The following CEP63 variants were observed in gnomAD, a reference collection of about 807,000 sequenced individuals.
CEP63 encodes centrosomal protein of 63 kDa.
In CEP63, 84 loss-of-function variants were observed where a neutral mutation model predicts 89.1. That is an observed-to-expected ratio of 0.94 (90% CI 0.79 to 1.13). CEP63 has a LOEUF of 1.13. Ranked by LOEUF, CEP63 falls within the 50% of genes most tolerant of loss-of-function variation. The probability of loss-of-function intolerance (pLI) is 0.00; values close to 1 mark genes in which losing one functional copy is unlikely to be tolerated. For missense variants in CEP63, 838 were observed against 813.3 expected (o/e 1.03, Z -0.37); for synonymous variants, 267 against 272.5 (o/e 0.98, Z 0.20).
the CEP63 span, among the ~76,000 whole-genome samples, chr3:134,693,831 C>T: frequency 2.0e-5 from 3 of 152,152 alleles, no homozygotes; most frequent in African/African-American, 7.2e-5. Context: ...TTTTTTGCCT[C>T]ACGTGCATGG....
the CEP63 span, among the ~76,000 whole-genome samples, chr3:134,755,162 G>T: frequency 6.6e-6 from 1 of 152,212 alleles, no homozygotes; most frequent in Non-Finnish European, 1.5e-5. Flanking sequence ...CAGGTACAAA[G>T]AAGGGAGATG....
At chr3:134,745,225 T>C in the CEP63 span, among the ~76,000 whole-genome samples, 1 of 152,214 alleles carries the variant, frequency 6.6e-6, no homozygotes, top group African/African-American at 2.4e-5. Context: ...AATTCTTTGT[T>C]ACCCAGTGCT....
the CEP63 span, among the ~76,000 whole-genome samples, chr3:134,775,377 C>T: frequency 6.6e-6 from 1 of 152,114 alleles, no homozygotes; most frequent in Admixed American, 6.6e-5. Flanking sequence ...AGTTAGTGTC[C>T]CCTTCAGGTA....
chr3:134,714,466 T>C, the CEP63 span, among the ~76,000 whole-genome samples: 1 of 152,094 alleles, frequency 6.6e-6, no homozygotes, highest in Non-Finnish European at 1.5e-5. Flanking sequence ...GCTCCCTCTC[T>C]CTCCCCACAA....
intron 6 of CEP63, among the ~76,000 whole-genome samples, chr3:134,541,840 G>A (rs1952088381): frequency 1.3e-5 from 2 of 152,098 alleles, no homozygotes; most frequent in East Asian, 3.9e-4. Context: ...AGGAGTAATG[G>A]GGGGATGTTT....
rs199930556 is a variant in CEP63 at position 134,557,376 on chromosome 3, G to GTTTT, written c.1468-741_1468-738dup. Reference sequence around the variant, plus strand: ...CTTGACCAGCTTACTTTCATAATTTGTTTTTTTTTTTTTTTTTTTTTTTTT... The same window carrying GTTTT: ...CTTGACCAGCTTACTTTCATAATTTGTTTTTTTTTTTTTTTTTTTTTTTTTTTTT... On this transcript the variant is annotated intron_variant, in intron 12 of 14. Transcript: ENST00000675561. 2.4e-4 allele frequency among the ~76,000 whole-genome samples: 24 copies of GTTTT among 101,494 alleles called. 2 individuals carry two copies. Among genetic ancestry groups the GTTTT allele is most frequent in the African/African-American group, 1.1e-3 (22 of 20,318 alleles). The allele number at this position is 101,494 out of a possible 152,430, so 66.6% of individuals were successfully genotyped here. A position where few individuals can be genotyped will look rare whatever the true frequency, so the allele number is the denominator to read the frequency against.
intron 6 of CEP63, among the ~76,000 whole-genome samples, chr3:134,540,674 A>G (rs1245006532): frequency 6.6e-6 from 1 of 151,410 alleles, no homozygotes; most frequent in Non-Finnish European, 1.5e-5. Flanking sequence ...TTGTTTTAAT[A>G]TGAGTGAGGT....
At chr3:134,715,345 A>ATTAC in the CEP63 span, among the ~76,000 whole-genome samples, 1 of 151,918 alleles carries the variant, frequency 6.6e-6, no homozygotes, top group South Asian at 2.1e-4. Context: ...TTCCTCACTT[A>ATTAC]TTACTCTAAG....
chr3:134,772,302 C>T, the CEP63 span, among the ~76,000 whole-genome samples: 1 of 152,162 alleles, frequency 6.6e-6, no homozygotes, highest in East Asian at 1.9e-4. Context: ...GATTCTCTTG[C>T]TAGACTTGGC....
the CEP63 span, among the ~76,000 whole-genome samples, chr3:134,661,566 C>G: frequency 6.6e-6 from 1 of 151,878 alleles, no homozygotes; most frequent in Non-Finnish European, 1.5e-5. Flanking sequence ...TGAAGAGGGT[C>G]CCAAGAGAAG....
intron 10 of CEP63, among the ~76,000 whole-genome samples, chr3:134,549,697 C>G (rs779095392): frequency 6.6e-6 from 1 of 152,008 alleles, no homozygotes; most frequent in Non-Finnish European, 1.5e-5. Context: ...TCCTCTTGTT[C>G]TATTTGTTAT....
the CEP63 span, among the ~76,000 whole-genome samples, chr3:134,662,320 A>G: frequency 1.3e-5 from 2 of 151,774 alleles, no homozygotes; most frequent in Non-Finnish European, 2.9e-5. Flanking sequence ...TTGAACCAGG[A>G]AGTGTGCTCT....
At chr3:134,546,107 T>G in intron 7 of CEP63, 42 bp from the exon 8 acceptor site, 2 of 1,608,124 alleles carry the variant, frequency 1.2e-6, no homozygotes, top group Middle Eastern at 1.7e-4. Flanking sequence ...CTGCAGGAAT[T>G]AAAAAGAAGG....
the CEP63 span, among the ~76,000 whole-genome samples, chr3:134,609,490 C>T: frequency 6.6e-6 from 1 of 152,032 alleles, no homozygotes; most frequent in Non-Finnish European, 1.5e-5. Flanking sequence ...GTGGGAGTGT[C>T]AAGATTTAAG....
Position 134,550,181 on chromosome 3 carries a change from C to T in CEP63, c.1301C>T (p.Thr434Ile). 1.2e-6 allele frequency: 2 copies of T among 1,614,070 alleles called. No homozygotes were observed. Among genetic ancestry groups the T allele is most frequent in the Non-Finnish European group, 1.7e-6 (2 of 1,179,984 alleles). ...CAGCGAGATATCACTATTGCTTCCA[C>T]CAAAGGTTCTTCCTCAGACATGGAA... ...LHQRDITIASTKGSSSDMEKR... is the reference protein window; with the variant it reads ...LHQRDITIASIKGSSSDMEKR... The change falls in exon 11 of 15, where the codon ACC (threonine) becomes ATC (isoleucine). Residue 434 changes from threonine to isoleucine, a missense_variant. Thr to Ile is a moderately conservative substitution (Grantham distance 89). Coordinates refer to ENST00000675561, the MANE Select transcript of CEP63 (RefSeq NM_001353108.3).
the CEP63 span, among the ~76,000 whole-genome samples, chr3:134,724,509 G>A: frequency 1.3e-5 from 2 of 152,188 alleles, no homozygotes; most frequent in African/African-American, 4.8e-5. Context: ...ACATGAATGT[G>A]CCCATTGGCA....
chr3:134,637,137 T>G, the CEP63 span, among the ~76,000 whole-genome samples: 3 of 152,252 alleles, frequency 2.0e-5, no homozygotes, highest in African/African-American at 4.8e-5. Flanking sequence ...AACATTCATT[T>G]TGAAGTGTAG....
At chr3:134,610,360 G>A in the CEP63 span, 1 of 1,613,018 alleles carries the variant, frequency 6.2e-7, no homozygotes, top group South Asian at 1.1e-5. Flanking sequence ...GCCAGGCACG[G>A]TCATACACTG....
the CEP63 span, among the ~76,000 whole-genome samples, chr3:134,668,973 G>A: frequency 5.3e-5 from 8 of 151,982 alleles, no homozygotes; most frequent in Non-Finnish European, 8.8e-5. Context: ...TGACTGGTGC[G>A]GTCTAAGGAG....
Sources: allele counts gnomAD v4.1 joint callset (sites outside exome capture counted in the v4.1 genomes callset), GRCh38; gene constraint gnomAD v4.1.1; transcripts MANE v1.5; gene names NCBI Gene and HGNC (gene_info 2026-07-23, HGNC 2026-07-21).